Variants in SERPINB7 observed in about 807,000 individuals in gnomAD.
SERPINB7 encodes serpin B7.
SERPINB7 carries 31 observed loss-of-function variants against 37.4 expected under a neutral mutation model. The observed-to-expected ratio is 0.83, with a 90% CI of 0.62 to 1.12. The LOEUF is 1.12. SERPINB7 is among the 50% of genes most tolerant of loss of function. The pLI, the probability that SERPINB7 is intolerant of heterozygous loss-of-function variation, is 0.00. For missense variants in SERPINB7, 521 were observed against 455.3 expected (o/e 1.14, Z -1.31); for synonymous variants, 163 against 166.1 (o/e 0.98, Z 0.14).
intron 4 of SERPINB7, among the ~76,000 whole-genome samples, chr18:63,794,925 A>T (rs1304529698): frequency 6.6e-6 from 1 of 152,180 alleles, no homozygotes; most frequent in African/African-American, 2.4e-5. Context: ...CTTTAACAGG[A>T]AATCCACTAA....
chr18:63,767,025 T>G (rs771777748), intron 1 of SERPINB7, among the ~76,000 whole-genome samples: 5 of 152,200 alleles, frequency 3.3e-5, no homozygotes, highest in Non-Finnish European at 5.9e-5. Context: ...GCTACATCTC[T>G]GTTCACAGCA....
At chr18:63,759,759 G>A (rs1323959373) in intron 1 of SERPINB7, among the ~76,000 whole-genome samples, 1 of 152,180 alleles carries the variant, frequency 6.6e-6, no homozygotes, top group Non-Finnish European at 1.5e-5. Context: ...TAGTGAGTAA[G>A]TCTCATGAGA....
chr18:63,764,418 T>C (rs1174969523), intron 1 of SERPINB7, among the ~76,000 whole-genome samples: 1 of 152,208 alleles, frequency 6.6e-6, no homozygotes, highest in Non-Finnish European at 1.5e-5. Flanking sequence ...TTCTGCTTAT[T>C]TGAGCTCTGA....
At chr18:63,754,960 C>T (rs993047944) in intron 1 of SERPINB7, among the ~76,000 whole-genome samples, 17 of 129,204 alleles carry the variant, frequency 1.3e-4, no homozygotes, top group East Asian at 1.0e-3. Context: ...ACTGCAGTGG[C>T]GCAATCTCGG....
rs114232909 is a variant in SERPINB7, at chr18:63,768,573, T to C, written c.-18-13782T>C. 2.9e-3 allele frequency among the ~76,000 whole-genome samples: 439 copies of C among 152,288 alleles called. 1 individual carries two copies. Among genetic ancestry groups the C allele is most frequent in the African/African-American group, 0.01 (419 of 41,570 alleles). On this transcript the variant is annotated intron_variant, in intron 1 of 7. Coordinates refer to the SERPINB7 transcript ENST00000336429. ...GTGAGTTTGTTTCATACATTTGTGA[T>C]ACAATTAGATATTTTTGTTACATTT...
intron 2 of SERPINB7, among the ~76,000 whole-genome samples, chr18:63,783,283 A>AAAGGAAGGAAGG (rs764669780): frequency 8.2e-6 from 1 of 122,434 alleles, no homozygotes; most frequent in African/African-American, 3.2e-5. Context: ...AGAAAGAAAG[A>AAAGGAAGGAAGG]AAGAAAGAAA....
At chr18:63,781,430 C>T (rs2049299859) in intron 1 of SERPINB7, among the ~76,000 whole-genome samples, 1 of 152,220 alleles carries the variant, frequency 6.6e-6, no homozygotes, top group African/African-American at 2.4e-5. Flanking sequence ...CTGGCATCTG[C>T]AACACCTGGC....
In SERPINB7 at chr18:63,804,689, A is replaced by G; in HGVS notation, c.*54A>G. On this transcript the variant is annotated 3_prime_UTR_variant, in exon 8 of 8. Coordinates refer to ENST00000398019, the MANE Select transcript of SERPINB7 (RefSeq NM_003784.4). ...CCCCACAACATCAAAGAACCACCAC[A>G]AGTCAATAGATTTGAGTTTAATTGG... The G allele has an allele frequency of 4.1e-6, 6 of 1,481,294 alleles. No homozygotes were observed. The highest frequency in any genetic ancestry group is 5.4e-6 in the Non-Finnish European group (6 of 1,102,264). The allele number at this position is 1,481,294 out of a possible 1,614,324, so 91.8% of individuals were successfully genotyped here. A position where few individuals can be genotyped will look rare whatever the true frequency, so the allele number is the denominator to read the frequency against.
At chr18:63,792,484 C>T (rs561050437) in intron 3 of SERPINB7, 41 bp downstream of exon 3, 1 of 1,353,470 alleles carries the variant, frequency 7.4e-7, no homozygotes, top group South Asian at 1.2e-5. Flanking sequence ...GAAGGTGAGC[C>T]AGGTGCAGGG....
chr18:63,769,863 T>C (rs1011290129), intron 1 of SERPINB7, among the ~76,000 whole-genome samples: 1 of 151,842 alleles, frequency 6.6e-6, no homozygotes, highest in African/African-American at 2.4e-5. Context: ...TTTATGATTG[T>C]CCTCAAACCC....
At chr18:63,775,026 A>G (rs553487581), upstream of SERPINB7, among the ~76,000 whole-genome samples, 18 of 152,224 alleles carry the variant, frequency 1.2e-4, no homozygotes, top group South Asian at 3.3e-3. Flanking sequence ...AAATTAGGCT[A>G]TAAGATGAGT....
intron 4 of SERPINB7, among the ~76,000 whole-genome samples, chr18:63,795,965 G>A (rs1045663308): frequency 7.2e-5 from 11 of 152,186 alleles, no homozygotes; most frequent in African/African-American, 2.4e-4. Context: ...AGGCTATTGA[G>A]TTATTTAATA....
intron 5 of SERPINB7, 60 bp from the exon 6 acceptor site, chr18:63,798,544 T>G: frequency 7.4e-7 from 1 of 1,357,026 alleles, no homozygotes; most frequent in South Asian, 1.4e-5. Flanking sequence ...ATGGTCTTTT[T>G]AAATCATTTT....
At chr18:63,759,051 A>T (rs563416074) in intron 1 of SERPINB7, among the ~76,000 whole-genome samples, 28 of 152,352 alleles carry the variant, frequency 1.8e-4, no homozygotes, top group African/African-American at 6.7e-4. Context: ...CTACTTGATC[A>T]TATGCATGGG....
intron 2 of SERPINB7, among the ~76,000 whole-genome samples, chr18:63,783,212 GAGAGAGAGAGAGAGAGAGAGAGAAA>G (rs2049323695): frequency 1.4e-5 from 1 of 72,282 alleles, no homozygotes; most frequent in Non-Finnish European, 2.9e-5. Flanking sequence ...GAGAGAGAGA[GAGAGAGAGAGAGAGAGAGAGAGAAA>G]GAAAGAAAGA....
chr18:63,791,244 A>G (rs2049423863), intron 2 of SERPINB7, among the ~76,000 whole-genome samples: 1 of 152,226 alleles, frequency 6.6e-6, no homozygotes, highest in South Asian at 2.1e-4. Flanking sequence ...ACCTATGTAA[A>G]AAACCTGCAC....
intron 1 of SERPINB7, chr18:63,778,154 C>G (rs1402173562): frequency 6.6e-6 from 1 of 151,942 alleles, no homozygotes; most frequent in Non-Finnish European, 1.5e-5. Flanking sequence ...ATGTGCAAAT[C>G]TAGATTCTAT....
At position 63,788,017 on chromosome 18, in the gene SERPINB7, A is replaced by G. The variant is rs185395054; in HGVS notation, c.169-4376A>G. On this transcript the variant is annotated intron_variant, in intron 2 of 7. Coordinates refer to ENST00000398019, the MANE Select transcript of SERPINB7 (RefSeq NM_003784.4). ...GGACTGCCAGTTGTAGAAAAGCCCA[A>G]CACATACAATGATGTACAGTACGTA... 1.3e-3 allele frequency among the ~76,000 whole-genome samples: 196 copies of G among 152,368 alleles called. 1 individual carries two copies. Among genetic ancestry groups the G allele is most frequent in the Admixed American group, 2.5e-3 (39 of 15,304 alleles).
intron 7 of SERPINB7, among the ~76,000 whole-genome samples, chr18:63,802,506 T>C (rs1031523762): frequency 2.6e-5 from 4 of 152,142 alleles, no homozygotes; most frequent in African/African-American, 9.7e-5. Flanking sequence ...TTGATGTTTA[T>C]AGCAAGCATG....
Sources: gnomAD v4.1 joint callset for allele counts (sites outside exome capture counted in the v4.1 genomes callset) on GRCh38, gnomAD v4.1.1 for gene constraint, MANE v1.5 for transcripts, NCBI Gene and HGNC (gene_info 2026-07-23, HGNC 2026-07-21) for gene names.